Variants in CSMD1 observed in about 807,000 individuals in gnomAD.
CSMD1 encodes the protein CUB and Sushi multiple domains 1.
A neutral mutation model predicts 417.5 loss-of-function variants in CSMD1; 213 were observed. The ratio of observed to expected loss-of-function variants is 0.51; its 90% CI spans 0.46 to 0.57. CSMD1 has a LOEUF of 0.57. CSMD1 is among the 20% of genes least tolerant of loss of function. The probability of loss-of-function intolerance (pLI) is 0.00; values close to 1 mark genes in which losing one functional copy is unlikely to be tolerated. For missense variants in CSMD1, 6,923 were observed against 4,529.7 expected (o/e 1.53, Z -15.17); for synonymous variants, 2,862 against 1,736.8 (o/e 1.65, Z -16.11).
intron 5 of CSMD1, among the ~76,000 whole-genome samples, chr8:3,792,210 T>C (rs1471735478): frequency 6.6e-6 from 1 of 151,944 alleles, no homozygotes; most frequent in Non-Finnish European, 1.5e-5. Flanking sequence ...GGGAGATCGC[T>C]CAAGCCCAGG....
chr8:3,137,383 G>A (rs1403195663), intron 41 of CSMD1, among the ~76,000 whole-genome samples: 1 of 152,220 alleles, frequency 6.6e-6, no homozygotes, highest in Non-Finnish European at 1.5e-5. Flanking sequence ...AAGTCCCTTA[G>A]CATCAGGGGG....
intron 1 of CSMD1, among the ~76,000 whole-genome samples, chr8:4,678,499 T>G (rs1323089274): frequency 6.6e-6 from 1 of 152,222 alleles, no homozygotes; most frequent in African/African-American, 2.4e-5. Context: ...CACATGATAG[T>G]TCTTGAGTTA....
chr8:4,007,140 G>A (rs1317510568), intron 4 of CSMD1, among the ~76,000 whole-genome samples: 1 of 151,884 alleles, frequency 6.6e-6, no homozygotes, highest in South Asian at 2.1e-4. Flanking sequence ...GCCTGGCCAC[G>A]ACTTTTACTA....
At chr8:3,989,452 A>G (rs990749792) in intron 5 of CSMD1, among the ~76,000 whole-genome samples, 1 of 152,170 alleles carries the variant, frequency 6.6e-6, no homozygotes, top group African/African-American at 2.4e-5. Flanking sequence ...AGCATGCTGG[A>G]ACGAGTTGTG....
intron 5 of CSMD1, among the ~76,000 whole-genome samples, chr8:3,782,029 ATC>A (rs3028585): frequency 2.6e-5 from 4 of 151,812 alleles, no homozygotes; most frequent in Non-Finnish European, 5.9e-5. Flanking sequence ...ATTTAAGAGT[ATC>A]TCTCTATTAT....
At chr8:3,043,752 C>T (rs538058643) in intron 50 of CSMD1, 1 of 152,278 alleles carries the variant, frequency 6.6e-6, no homozygotes, top group African/African-American at 2.4e-5. Context: ...TCATCCAACA[C>T]CTTGGACAAA....
chr8:3,681,235 G>A (rs1799645606), intron 7 of CSMD1, among the ~76,000 whole-genome samples: 1 of 152,188 alleles, frequency 6.6e-6, no homozygotes. Flanking sequence ...ATTAGGAAAA[G>A]AGGAAGTCAA....
At chr8:3,612,091 T>C (rs564394165) in intron 8 of CSMD1, among the ~76,000 whole-genome samples, 2 of 152,216 alleles carry the variant, frequency 1.3e-5, no homozygotes, top group South Asian at 4.1e-4. Context: ...AGATTGAATA[T>C]AGAAACATAT....
intron 37 of CSMD1, among the ~76,000 whole-genome samples, chr8:3,173,950 A>T (rs1820742651): frequency 6.6e-6 from 1 of 152,216 alleles, no homozygotes; most frequent in African/African-American, 2.4e-5. Flanking sequence ...TTTCATTTCA[A>T]AGGACATAAG....
intron 3 of CSMD1, among the ~76,000 whole-genome samples, chr8:4,273,792 G>C (rs144266513): frequency 6.6e-6 from 1 of 152,166 alleles, no homozygotes; most frequent in Non-Finnish European, 1.5e-5. Context: ...CTGTCTGCGT[G>C]TATGTCTGGT....
At chr8:4,507,652 G>T (rs925122359) in intron 2 of CSMD1, among the ~76,000 whole-genome samples, 2 of 152,232 alleles carry the variant, frequency 1.3e-5, no homozygotes, top group South Asian at 4.1e-4. Flanking sequence ...TTGATTAAGT[G>T]GGAGATATCT....
At position 3,367,131 on chromosome 8, in the gene CSMD1, G is replaced by C. The variant is rs1399845920; in HGVS notation, c.3016C>G (p.His1006Asp). The change falls in exon 20 of 70, where the codon CAT becomes GAT. Residue 1006 changes from histidine (H) to aspartate (D), a missense_variant. His to Asp is a moderately conservative substitution (Grantham distance 81). Coordinates refer to ENST00000635120, the MANE Select transcript of CSMD1 (RefSeq NM_033225.6). The stretch of plus-strand genomic sequence containing the variant: ...CCAAACAGGCCTGCCTTGATCGTAT[G>C]AGGCAACACCGACCCGGTGAGCCTG... ...VARLTGSVLP[H>D]TIKAGLFGNF... The C allele has an allele frequency of 6.2e-7, 1 of 1,613,666 alleles. No individual in the cohort carries two copies. Among genetic ancestry groups the C allele is most frequent in the Non-Finnish European group, 8.5e-7 (1 of 1,179,798 alleles).
intron 3 of CSMD1, among the ~76,000 whole-genome samples, chr8:4,358,520 G>A (rs544992229): frequency 5.3e-5 from 8 of 152,154 alleles, no homozygotes; most frequent in Admixed American, 2.0e-4. Context: ...GCAGAGCTCC[G>A]CAGATGCAGA....
intron 2 of CSMD1, among the ~76,000 whole-genome samples, chr8:4,621,361 A>C (rs951879291): frequency 3.9e-5 from 6 of 152,094 alleles, no homozygotes; most frequent in Admixed American, 3.9e-4. Flanking sequence ...GGCACGAAAC[A>C]ATTTTGGATT....
At chr8:3,931,592 C>T (rs1584987104) in intron 5 of CSMD1, among the ~76,000 whole-genome samples, 1 of 149,546 alleles carries the variant, frequency 6.7e-6, no homozygotes, top group East Asian at 2.0e-4. Flanking sequence ...CCATGAATTG[C>T]CTCAAATCAT....
chr8:3,765,570 T>C (rs991839060), intron 5 of CSMD1, among the ~76,000 whole-genome samples: 1 of 152,222 alleles, frequency 6.6e-6, no homozygotes, highest in Non-Finnish European at 1.5e-5. Context: ...CCTTAACAAG[T>C]CAATTCTAAA....
chr8:4,619,183 T>C (rs1431865229), intron 2 of CSMD1, among the ~76,000 whole-genome samples: 1 of 152,152 alleles, frequency 6.6e-6, no homozygotes, highest in Non-Finnish European at 1.5e-5. Context: ...TTAAGGGTGG[T>C]GGGCAGAATG....
chr8:3,468,760 G>C lies in CSMD1; in HGVS notation c.1513C>G (p.Gln505Glu), dbSNP rs776909597. ...SMSNQMWLHL[Q>E]SDDSIGSPGF... ...GGTGAGCCAATGCTATCATCCGACT[G>C]CAGATGTAGCCACATCTGGTTGCTC... is the stretch of plus-strand genomic sequence containing the variant. The change falls in exon 12 of 70, where the codon CAG (glutamine) becomes GAG (glutamate). Residue 505 changes from glutamine (Q) to glutamate (E), a missense_variant. Gln to Glu is a conservative substitution (Grantham distance 29, BLOSUM62 2). Coordinates refer to ENST00000635120, the MANE Select transcript of CSMD1 (RefSeq NM_033225.6). The C allele has an allele frequency of 3.1e-6, 5 of 1,607,182 alleles. No individual in the cohort carries two copies. The highest frequency in any genetic ancestry group is 4.2e-6 in the Non-Finnish European group (5 of 1,177,020).
chr8:4,146,110 G>T (rs536597238), intron 3 of CSMD1, among the ~76,000 whole-genome samples: 1 of 150,868 alleles, frequency 6.6e-6, no homozygotes, highest in Non-Finnish European at 1.5e-5. Flanking sequence ...CAACATAATG[G>T]CAGTCGGTGA....
Sources: allele counts gnomAD v4.1 joint callset (sites outside exome capture counted in the v4.1 genomes callset), GRCh38; gene constraint gnomAD v4.1.1; transcripts MANE v1.5; gene names NCBI Gene and HGNC (gene_info 2026-07-23, HGNC 2026-07-21).